Variants in MSI2 observed in about 807,000 individuals in gnomAD.
MSI2 encodes the protein musashi RNA binding protein 2.
MSI2 carries 17 observed loss-of-function variants against 45.6 expected under a neutral mutation model. That is an observed-to-expected ratio of 0.37 (90% CI 0.26 to 0.56). The LOEUF is 0.56. MSI2 is among the 20% of genes least tolerant of loss of function. The pLI is 0.77. For missense variants in MSI2, 293 were observed against 444.2 expected, an observed-to-expected ratio of 0.66 and a Z score of 3.06; for synonymous variants, 156 against 158.2, an observed-to-expected ratio of 0.99 and a Z score of 0.11.
At chr17:57,433,839 CCTT>C (rs2084644222) in intron 6 of MSI2, among the ~76,000 whole-genome samples, 1 of 152,168 alleles carries the variant, frequency 6.6e-6, no homozygotes, top group Non-Finnish European at 1.5e-5. Flanking sequence ...CTGGCCCCCT[CCTT>C]CTCTGTTCCT....
intron 11 of MSI2, among the ~76,000 whole-genome samples, chr17:57,659,262 G>A (rs1299833476): frequency 6.6e-6 from 1 of 150,816 alleles, no homozygotes; most frequent in African/African-American, 2.4e-5. Flanking sequence ...TTCTTTTTTT[G>A]TTTGTTTGTT....
chr17:57,649,047 C>T lies in MSI2; in HGVS notation c.728-3052C>T, dbSNP rs79174471. Among the ~76,000 whole-genome samples the T allele has an allele frequency of 3.2e-3, 493 of 152,312 alleles. 2 individuals carry two copies. The highest frequency in any genetic ancestry group is 0.011 in the African/African-American group (469 of 41,554). ...TGTCCTGGAGACAGCCTGTGCCCTC[C>T]GTCACCACAGCCTTAGGCTCAGGCC... On this transcript the variant is annotated intron_variant, in intron 10 of 13. Transcript: ENST00000284073.
At chr17:57,413,028 T>G (rs2143213718) in intron 6 of MSI2, among the ~76,000 whole-genome samples, 1 of 152,386 alleles carries the variant, frequency 6.6e-6, no homozygotes, top group East Asian at 1.9e-4. Flanking sequence ...GAGTGAGCAC[T>G]TAACAAATGT....
chr17:57,575,399 C>T (rs74455476), intron 7 of MSI2, among the ~76,000 whole-genome samples: 3 of 152,290 alleles, frequency 2.0e-5, no homozygotes, highest in African/African-American at 4.8e-5. Flanking sequence ...TGGAGTGCTG[C>T]GCATCTCCTG....
chr17:57,301,156 G>A (rs747719695), intron 5 of MSI2, among the ~76,000 whole-genome samples: 1 of 152,162 alleles, frequency 6.6e-6, no homozygotes, highest in South Asian at 2.1e-4. Context: ...TGTGGATACA[G>A]GGATTTTTCT....
chr17:57,581,493 TCTC>T (rs527661611), intron 7 of MSI2, among the ~76,000 whole-genome samples: 136 of 152,236 alleles, frequency 8.9e-4, no homozygotes, highest in African/African-American at 2.8e-3. Context: ...TGTGTTGCTT[TCTC>T]CTCCTCCCCA....
rs1296696595 is a variant in MSI2, at chr17:57,683,989, T to C, written c.*4472T>C. On this transcript the variant is annotated 3_prime_UTR_variant, in exon 14 of 14. Transcript: ENST00000284073. This position sits in a 1 kb window ranked among gnomAD's most constrained non-coding sequence, Gnocchi z 5.2. ...AAAACACAAAAACATATAAATAAAA[T>C]CCATCCCTCTTGTCGGGGACCTGCA... 1 of 228,230 alleles carries C rather than the reference T, an allele frequency of 4.4e-6. No homozygotes were observed. Among genetic ancestry groups the C allele is most frequent in the African/African-American group, 2.2e-5 (1 of 44,950 alleles). 14.1% of individuals were successfully genotyped at this position (228,230 alleles called of 1,614,324 possible). A position where few individuals can be genotyped will look rare whatever the true frequency, so the allele number is the denominator to read the frequency against.
chr17:57,443,315 G>A (rs796482067), intron 6 of MSI2, among the ~76,000 whole-genome samples: 9 of 152,258 alleles, frequency 5.9e-5, no homozygotes, highest in South Asian at 4.1e-4. Flanking sequence ...TCTTGGGCGC[G>A]TCTCCTCCGT....
chr17:57,604,243 A>G (rs1336682395), intron 8 of MSI2, among the ~76,000 whole-genome samples: 2 of 152,140 alleles, frequency 1.3e-5, no homozygotes, highest in Non-Finnish European at 2.9e-5. Context: ...TAAGACTTGT[A>G]AGGGGTTTGG....
At chr17:57,477,201 T>TGTGTGTGTGTG (rs71139999) in intron 6 of MSI2, among the ~76,000 whole-genome samples, 1 of 97,806 alleles carries the variant, frequency 1.0e-5, no homozygotes, top group African/African-American at 4.2e-5. Context: ...TGTGTGTGTG[T>TGTGTGTGTGTG]CGGAGGGTGA....
intron 6 of MSI2, among the ~76,000 whole-genome samples, chr17:57,436,421 G>T (rs1379895405): frequency 6.6e-6 from 1 of 152,222 alleles, no homozygotes; most frequent in African/African-American, 2.4e-5. Context: ...GTTCACAAAT[G>T]TGTGGGAAAA....
In MSI2 at chr17:57,674,997, C is replaced by T; in HGVS notation, c.816C>T (p.Gly272=). 1 of 1,613,600 alleles carries T rather than the reference C, an allele frequency of 6.2e-7. No homozygotes were observed. The highest frequency in any genetic ancestry group is 1.3e-5 in the African/African-American group (1 of 75,066). Residue 272 remains glycine, a synonymous_variant, in exon 12 of 14, where the codon GGC becomes GGT. Transcript: ENST00000284073. ...GCTCCAACCCGGCGCGGCCCGGAGG[C>T]TTCCCGGGGGCCAACAGCCCAGGAC... ...GSGSNPARPG[G]FPGANSPGPV...
chr17:57,437,084 C>T (rs915513247), intron 6 of MSI2, among the ~76,000 whole-genome samples: 2 of 152,202 alleles, frequency 1.3e-5, no homozygotes, highest in South Asian at 2.1e-4. Flanking sequence ...GAAATATTTT[C>T]CATCTTCCTG....
At chr17:57,581,087 A>G (rs1370474964) in intron 7 of MSI2, among the ~76,000 whole-genome samples, 2 of 133,852 alleles carry the variant, frequency 1.5e-5, no homozygotes, top group Admixed American at 1.8e-4. Context: ...ATCTCTGCTC[A>G]CTGCAACCTC....
intron 6 of MSI2, among the ~76,000 whole-genome samples, chr17:57,516,550 A>G (rs2086473876): frequency 6.6e-6 from 1 of 152,204 alleles, no homozygotes; most frequent in Non-Finnish European, 1.5e-5. Flanking sequence ...TTATCAATAC[A>G]AAGTCTGTTA....
intron 4 of MSI2, among the ~76,000 whole-genome samples, chr17:57,260,294 G>C (rs765133154): frequency 6.6e-6 from 1 of 152,100 alleles, no homozygotes; most frequent in East Asian, 1.9e-4. Flanking sequence ...GAGGAACTTC[G>C]ATCATGATAT....
intron 6 of MSI2, among the ~76,000 whole-genome samples, chr17:57,493,913 GA>G (rs2085924966): frequency 6.6e-6 from 1 of 152,114 alleles, no homozygotes; most frequent in South Asian, 2.1e-4. Flanking sequence ...TTATACAGAT[GA>G]AAAAACTGGC....
chr17:57,682,828 T>G lies in MSI2; in HGVS notation c.*3311T>G, dbSNP rs1179866104. 7 of 223,864 alleles carry G rather than the reference T, an allele frequency of 3.1e-5. No individual in the cohort carries two copies. Among genetic ancestry groups the G allele is most frequent in the African/African-American group, 1.6e-4 (7 of 44,740 alleles). 13.9% of individuals were successfully genotyped at this position (223,864 alleles called of 1,614,324 possible). ...TTTCTGGCTTCCAGATCCATCTGCCTGAGACCCCCGAACTCCTCTCCTCCC... is the reference window on the plus strand; with the variant it reads ...TTTCTGGCTTCCAGATCCATCTGCCGGAGACCCCCGAACTCCTCTCCTCCC... On this transcript the variant is annotated 3_prime_UTR_variant, in exon 14 of 14. Transcript: ENST00000284073.
chr17:57,616,311 T>G, intron 9 of MSI2: 2 of 406,530 alleles, frequency 4.9e-6, no homozygotes, highest in Non-Finnish European at 8.8e-6. Flanking sequence ...GTGTTTGTAT[T>G]TATAATATTG....
Sources: allele counts gnomAD v4.1 joint callset (sites outside exome capture counted in the v4.1 genomes callset), GRCh38; gene constraint gnomAD v4.1.1; non-coding constraint Gnocchi (gnomAD v3.1); transcripts MANE v1.5; gene names NCBI Gene and HGNC (gene_info 2026-07-23, HGNC 2026-07-21).